Variants in LIN9 observed in about 807,000 individuals in gnomAD.
LIN9 encodes the protein lin-9 DREAM MuvB core complex component, also known as protein lin-9 homolog.
LIN9 carries 18 observed loss-of-function variants against 78.0 expected under a neutral mutation model. That is an observed-to-expected ratio of 0.23 (90% CI 0.16 to 0.34). The LOEUF is 0.34. Ranked by LOEUF, LIN9 falls within the 10% of genes least tolerant of loss-of-function variation. The pLI, the probability that LIN9 is intolerant of heterozygous loss-of-function variation, is 1.00. For synonymous variants in LIN9, 192 were observed against 215.2 expected (o/e 0.89, Z 0.94); for missense variants, 451 against 644.1 (o/e 0.70, Z 3.25).
At chr1:226,254,786 C>T (rs932023430) in intron 10 of LIN9, among the ~76,000 whole-genome samples, 1 of 151,744 alleles carries the variant, frequency 6.6e-6, no homozygotes, top group African/African-American at 2.4e-5. Flanking sequence ...TGGAGGGTGA[C>T]TGTAGTCCCA....
chr1:226,242,614 G>A (rs1195376342), intron 11 of LIN9, among the ~76,000 whole-genome samples: 1 of 152,142 alleles, frequency 6.6e-6, no homozygotes, highest in Non-Finnish European at 1.5e-5. Flanking sequence ...GAATGGTGCA[G>A]GTCCACTTAC....
intron 11 of LIN9, among the ~76,000 whole-genome samples, chr1:226,240,071 C>G (rs1320021358): frequency 6.6e-6 from 1 of 152,178 alleles, no homozygotes; most frequent in Non-Finnish European, 1.5e-5. Context: ...ACTGAGCTAA[C>G]AGAAACCTCA....
intron 10 of LIN9, among the ~76,000 whole-genome samples, chr1:226,264,972 TTAATC>T (rs1659821548): frequency 6.6e-6 from 1 of 152,222 alleles, no homozygotes; most frequent in Non-Finnish European, 1.5e-5. Context: ...AAAAATTTAT[TTAATC>T]TAATTTTCAA....
At chr1:226,303,808 T>C (rs1386904673) in intron 1 of LIN9, among the ~76,000 whole-genome samples, 1 of 152,220 alleles carries the variant, frequency 6.6e-6, no homozygotes, top group Non-Finnish European at 1.5e-5. Flanking sequence ...GGTTTCGCCA[T>C]GTTGGCCAGG....
intron 6 of LIN9, among the ~76,000 whole-genome samples, chr1:226,284,782 A>G (rs972068164): frequency 1.3e-5 from 2 of 152,142 alleles, no homozygotes; most frequent in Admixed American, 1.3e-4. Context: ...TAACTTATAG[A>G]CTAATTTAGG....
At chr1:226,300,100 G>A (rs1457994829) in intron 2 of LIN9, among the ~76,000 whole-genome samples, 1 of 151,842 alleles carries the variant, frequency 6.6e-6, no homozygotes, top group East Asian at 1.9e-4. Context: ...CACCACTCCC[G>A]GATAATTTTG....
chr1:226,289,912 G>A (rs1661643396), intron 4 of LIN9, among the ~76,000 whole-genome samples: 1 of 138,154 alleles, frequency 7.2e-6, no homozygotes, highest in Non-Finnish European at 1.5e-5. Flanking sequence ...AATTCCAGAT[G>A]TACTGAAGGT....
chr1:226,309,499 C>T, upstream of LIN9: 1 of 1,123,312 alleles, frequency 8.9e-7, no homozygotes, highest in Non-Finnish European at 1.1e-6. Flanking sequence ...GCCCGCGCTG[C>T]AGCTGCGGGA....
chr1:226,267,238 T>C (rs1659978171), intron 8 of LIN9, among the ~76,000 whole-genome samples: 1 of 147,176 alleles, frequency 6.8e-6, no homozygotes, highest in Admixed American at 6.8e-5. Flanking sequence ...GAGATATATA[T>C]ATATATATAT....
chr1:226,247,912 G>C (rs773391093), intron 11 of LIN9, among the ~76,000 whole-genome samples: 4 of 152,104 alleles, frequency 2.6e-5, no homozygotes, highest in African/African-American at 4.8e-5. Flanking sequence ...GACCTCAAGT[G>C]ATCCACTCGC....
chr1:226,277,133 C>T (rs919278552), intron 7 of LIN9, among the ~76,000 whole-genome samples: 1 of 149,000 alleles, frequency 6.7e-6, no homozygotes, highest in Non-Finnish European at 1.5e-5. Context: ...TGCTTGAGCC[C>T]GGGAGGTCGA....
At chr1:226,298,295 G>A (rs2102664087) in intron 2 of LIN9, among the ~76,000 whole-genome samples, 1 of 152,280 alleles carries the variant, frequency 6.6e-6, no homozygotes, top group East Asian at 1.9e-4. Flanking sequence ...TGCAACCTCT[G>A]CCTCCCAGGT....
rs59130234 is a variant in LIN9, at chr1:226,252,281, A to AAAATAAATAAATAAAT, written c.1039-1378_1039-1363dup. ...GGGCAACAGAGCAAGACCCCATCTCAAAATAAATAAATAAATAAATAAATA... is the reference window on the plus strand; with the variant it reads ...GGGCAACAGAGCAAGACCCCATCTCAAAATAAATAAATAAATAAATAAATAAATAAATAAATAAATA... On this transcript the variant is annotated intron_variant, in intron 10 of 14. Transcript: ENST00000681046. Among the ~76,000 whole-genome samples the AAAATAAATAAATAAAT allele has an allele frequency of 6.7e-3, 943 of 140,756 alleles. 5 individuals are homozygous for AAAATAAATAAATAAAT. The highest frequency in any genetic ancestry group is 0.01 in the Non-Finnish European group (663 of 64,802). 92.3% of individuals were successfully genotyped at this position (140,756 alleles called of 152,430 possible). A position where few individuals can be genotyped will look rare whatever the true frequency, so the allele number is the denominator to read the frequency against.
chr1:226,247,813 A>G (rs1658581800), intron 11 of LIN9, among the ~76,000 whole-genome samples: 1 of 151,962 alleles, frequency 6.6e-6, no homozygotes, highest in African/African-American at 2.4e-5. Context: ...CTGGGATTAC[A>G]GGTGCACACC....
At chr1:226,235,748 C>A (rs1361268819) in intron 12 of LIN9, among the ~76,000 whole-genome samples, 1 of 152,160 alleles carries the variant, frequency 6.6e-6, no homozygotes, top group African/African-American at 2.4e-5. Context: ...TAGTTAGGTT[C>A]ATTTATTTCT....
chr1:226,260,537 T>C (rs1463945856), intron 10 of LIN9, among the ~76,000 whole-genome samples: 2 of 151,456 alleles, frequency 1.3e-5, no homozygotes, highest in African/African-American at 4.9e-5. Context: ...GATCAGTATC[T>C]TTCATAAACA....
At chr1:226,278,834 A>G (rs900640389) in intron 6 of LIN9, among the ~76,000 whole-genome samples, 2 of 136,290 alleles carry the variant, frequency 1.5e-5, no homozygotes, top group Non-Finnish European at 3.1e-5. Flanking sequence ...AAAAAAAAAA[A>G]AGAAAGGCCG....
intron 10 of LIN9, among the ~76,000 whole-genome samples, chr1:226,252,545 A>G (rs553843970): frequency 6.6e-6 from 1 of 152,312 alleles, no homozygotes; most frequent in South Asian, 2.1e-4. Context: ...AGTTTCTTCA[A>G]TAAGTTGCAT....
chr1:226,287,639 T>G lies in LIN9; in HGVS notation c.398+25A>C, dbSNP rs377380902. ...CTTAAATTTCTGATTCAAGTAATAT[T>G]CATAATATAAGCCATGATACATACT... On this transcript the variant is annotated intron_variant, in intron 5 of 14. Transcript: ENST00000681046. The G allele has an allele frequency of 6.2e-6, 9 of 1,460,430 alleles. No individual in the cohort carries two copies. The African/African-American group carries it at 1.3e-4, about 22-fold the overall frequency. The allele number at this position is 1,460,430 out of a possible 1,614,324, so 90.5% of individuals were successfully genotyped here.
Sources: gnomAD v4.1 joint callset for allele counts (sites outside exome capture counted in the v4.1 genomes callset) on GRCh38, gnomAD v4.1.1 for gene constraint, MANE v1.5 for transcripts, NCBI Gene and HGNC (gene_info 2026-07-23, HGNC 2026-07-21) for gene names.